The following CIT variants were observed in gnomAD, a reference collection of about 807,000 sequenced individuals.
The protein encoded by CIT is citron Rho-interacting kinase.
Under a neutral mutation model 272.7 loss-of-function variants are expected in CIT, and 79 were observed. The ratio of observed to expected loss-of-function variants is 0.29; its 90% CI spans 0.24 to 0.35. CIT has a LOEUF of 0.35. CIT is among the 10% of genes least tolerant of loss of function. The probability of loss-of-function intolerance (pLI) is 1.00; values close to 1 mark genes in which losing one functional copy is unlikely to be tolerated. For synonymous variants in CIT, 948 were observed against 995.6 expected, an observed-to-expected ratio of 0.95 and a Z score of 0.90; for missense variants, 1,909 against 2,618.3, an observed-to-expected ratio of 0.73 and a Z score of 5.91.
Position 119,862,740 on chromosome 12 carries a change from G to T in CIT, c.239-5042C>A, listed in dbSNP as rs779584917. On this transcript the variant is annotated intron_variant, in intron 3 of 47. Transcript: ENST00000392521. The stretch of plus-strand genomic sequence containing the variant: ...CAGGAGAATTGCTTGAACTCAGGAG[G>T]TGGAGGTTGCAGTGAGCCAAGATCG... 2.1e-5 allele frequency among the ~76,000 whole-genome samples: 3 copies of T among 143,178 alleles called. No homozygotes were observed. In the East Asian group the frequency reaches 6.5e-4, roughly 31 times the overall value. The allele number at this position is 143,178 out of a possible 152,430, so 93.9% of individuals were successfully genotyped here. A position where few individuals can be genotyped will look rare whatever the true frequency, so the allele number is the denominator to read the frequency against.
chr12:119,723,763 C>T (rs2137160704), intron 28 of CIT, among the ~76,000 whole-genome samples: 1 of 152,268 alleles, frequency 6.6e-6, no homozygotes, highest in South Asian at 2.1e-4. Context: ...AAAAAGCAAA[C>T]TTGTGGAAGG....
At chr12:119,758,723 A>G in intron 20 of CIT, 23 bp from the exon 21 acceptor site, 1 of 1,458,616 alleles carries the variant, frequency 6.9e-7, no homozygotes, top group South Asian at 1.1e-5. Flanking sequence ...GCACCTATGA[A>G]ACTTCACACA....
In CIT at chr12:119,752,160, A is replaced by T; in HGVS notation, c.2794T>A (p.Leu932Met). ...GCCCGTGCAGCCTGCAGGGCTGTCA[A>T]CTGTGACTCGCGCTCCTGCAGGGAG... is the stretch of plus-strand genomic sequence containing the variant. The part of the protein sequence containing the change: ...QLSLQERESQ[L>M]TALQAARAAL... The change falls in exon 23 of 48, where the codon TTG becomes ATG. Residue 932 changes from leucine (L) to methionine (M), a missense_variant. By Grantham distance (15) the Leu-to-Met change is conservative. Transcript: ENST00000392521. The T allele has an allele frequency of 1.2e-6, 2 of 1,612,924 alleles. No homozygotes were observed.
intron 5 of CIT, among the ~76,000 whole-genome samples, chr12:119,842,374 G>A (rs1358236960): frequency 7.7e-6 from 1 of 129,288 alleles, no homozygotes; most frequent in East Asian, 2.4e-4. Flanking sequence ...GGGTGACAGA[G>A]CGAGACTGCA....
intron 30 of CIT, among the ~76,000 whole-genome samples, chr12:119,719,939 T>A (rs1957741220): frequency 1.3e-5 from 2 of 152,252 alleles, no homozygotes; most frequent in South Asian, 4.1e-4. Flanking sequence ...TCTAAAAGGG[T>A]TGTTCAGTAC....
At position 119,712,709 on chromosome 12, in the gene CIT, G is replaced by C; in HGVS notation, c.4580-14C>G. 2.5e-6 allele frequency: 4 copies of C among 1,607,440 alleles called. No individual in the cohort carries two copies. The highest frequency in any genetic ancestry group is 1.3e-5 in the African/African-American group (1 of 74,874). Reference sequence around the variant, plus strand: ...GCCTCTGTCCAGCTTGGTGCAAAGAGGAAGGGCAGAAAGAAAAACAAAAGA... The same window carrying C: ...GCCTCTGTCCAGCTTGGTGCAAAGACGAAGGGCAGAAAGAAAAACAAAAGA... On this transcript the variant is annotated splice_polypyrimidine_tract_variant and intron_variant, in intron 35 of 47. Transcript: ENST00000392521. This position sits in a 1 kb window ranked among gnomAD's most constrained non-coding sequence, Gnocchi z 5.2.
intron 16 of CIT, among the ~76,000 whole-genome samples, chr12:119,773,867 G>C (rs928996107): frequency 5.9e-5 from 9 of 152,212 alleles, no homozygotes; most frequent in Admixed American, 5.2e-4. Context: ...TTTGGCTAAA[G>C]AGGGCCATGA....
At chr12:119,805,440 T>C (rs1966535741) in intron 9 of CIT, among the ~76,000 whole-genome samples, 1 of 152,252 alleles carries the variant, frequency 6.6e-6, no homozygotes, top group African/African-American at 2.4e-5. Flanking sequence ...GACCTGCTAT[T>C]ATTGCTACTG....
chr12:119,696,715 T>G (rs532762887), intron 46 of CIT, among the ~76,000 whole-genome samples: 4 of 152,148 alleles, frequency 2.6e-5, no homozygotes, highest in Admixed American at 2.6e-4. Flanking sequence ...TTTGTAGAGA[T>G]AGGGTTTTAC....
chr12:119,790,574 TGA>T (rs1017734664), intron 10 of CIT, among the ~76,000 whole-genome samples: 1 of 151,936 alleles, frequency 6.6e-6, no homozygotes, highest in Non-Finnish European at 1.5e-5. Context: ...AGCGTGTGTG[TGA>T]GAGAGAGAGA....
rs570948404 is a variant in CIT at position 119,746,425 on chromosome 12, T to C, written c.2905-3961A>G. ...TAAAATTTGGCCTGTAATTTGCCAG[T>C]CTCTGCTCTAAATGACTATTTGGTG... On this transcript the variant is annotated intron_variant, in intron 23 of 47. Transcript: ENST00000392521. Among the ~76,000 whole-genome samples, 37 of 152,336 alleles carry C rather than the reference T, an allele frequency of 2.4e-4. No homozygotes were observed. The South Asian group carries it at 7.0e-3, about 29-fold the overall frequency.
chr12:119,767,274 G>T, intron 18 of CIT, 92 bp from the exon 19 acceptor site: 3 of 937,356 alleles, frequency 3.2e-6, no homozygotes, highest in Non-Finnish European at 4.8e-6. Flanking sequence ...CTTTGGTACA[G>T]GTACCACAGG....
chr12:119,771,166 A>G, intron 17 of CIT, among the ~76,000 whole-genome samples: 1 of 152,224 alleles, frequency 6.6e-6, no homozygotes. Flanking sequence ...CATCACGGAA[A>G]ATACAGAGGA....
chr12:119,731,813 A>AATATATATATATAT lies in CIT; in HGVS notation c.3351-1197_3351-1184dup, dbSNP rs57327382. On this transcript the variant is annotated intron_variant, in intron 26 of 47. Transcript: ENST00000392521. ...AAAGCATAACTGTATTTCTCTCCTA[A>AATATATATATATAT]ATATATATATATATATATATATATA... Among the ~76,000 whole-genome samples the AATATATATATATAT allele has an allele frequency of 2.2e-3, 312 of 139,034 alleles. 5 individuals carry two copies. Among genetic ancestry groups the AATATATATATATAT allele is most frequent in the African/African-American group, 8.2e-3 (295 of 35,946 alleles). 91.2% of individuals were successfully genotyped at this position (139,034 alleles called of 152,430 possible).
chr12:119,862,837 AAAAGAAAAAACC>A (rs1950392432), intron 3 of CIT, among the ~76,000 whole-genome samples: 3 of 135,986 alleles, frequency 2.2e-5, no homozygotes, highest in African/African-American at 6.2e-5. Flanking sequence ...AAAAAAAAAA[AAAAGAAAAAACC>A]AAAAAAAAAA....
Position 119,712,260 on chromosome 12 carries a change from G to A in CIT, c.4772C>T (p.Pro1591Leu), listed in dbSNP as rs779834389. The A allele has an allele frequency of 2.5e-6, 4 of 1,614,182 alleles. No homozygotes were observed. In the East Asian group the frequency reaches 8.9e-5, roughly 36 times the overall value. ...RTLYLLAPSF[P>L]DKQRWVTALE... ...GGCGGTGACCCAGCGCTGTTTGTCA[G>A]GGAAGCTGGGAGCTAGCAAGTAGAG... The change falls in exon 37 of 48, where the codon CCT becomes CTT. Residue 1591 changes from proline (P) to leucine (L), a missense_variant. Pro to Leu is a moderately conservative substitution (Grantham distance 98). Coordinates refer to ENST00000392521, the MANE Select transcript of CIT (RefSeq NM_001206999.2). The surrounding 1 kb of genome is among the most constrained non-coding windows in gnomAD (Gnocchi z 5.2).
chr12:119,862,931 G>A (rs1593992683), intron 3 of CIT, among the ~76,000 whole-genome samples: 1 of 145,442 alleles, frequency 6.9e-6, no homozygotes, highest in South Asian at 2.2e-4. Flanking sequence ...GCCGGGTGCA[G>A]TGACTCACAC....
chr12:119,810,848 C>T (rs1966841612), intron 9 of CIT, among the ~76,000 whole-genome samples: 1 of 152,108 alleles, frequency 6.6e-6, no homozygotes. Context: ...ATCGAAGTCT[C>T]ATGGGAATGA....
intron 4 of CIT, among the ~76,000 whole-genome samples, chr12:119,854,615 G>A (rs577452012): frequency 3.3e-5 from 5 of 151,670 alleles, no homozygotes; most frequent in Admixed American, 2.0e-4. Context: ...GAACTCCAGC[G>A]GACTCTGTCT....
Sources: gnomAD v4.1 joint callset for allele counts (sites outside exome capture counted in the v4.1 genomes callset) on GRCh38, gnomAD v4.1.1 for gene constraint, Gnocchi (gnomAD v3.1) non-coding constraint, MANE v1.5 for transcripts, NCBI Gene and HGNC (gene_info 2026-07-23, HGNC 2026-07-21) for gene names.